The following DSCAM variants were observed in gnomAD, a reference collection of about 807,000 sequenced individuals.
DSCAM encodes the protein DS cell adhesion molecule, also known as cell adhesion molecule DSCAM.
A neutral mutation model predicts 217.7 loss-of-function variants in DSCAM; 47 were observed. The observed-to-expected ratio is 0.22, with a 90% confidence interval of 0.17 to 0.28. The LOEUF is 0.28. DSCAM is among the 10% of genes least tolerant of loss of function. DSCAM has a pLI of 1.00. For synonymous variants in DSCAM, 1,056 were observed against 1,015.3 expected (o/e 1.04, Z -0.76); for missense variants, 2,080 against 2,618.3 (o/e 0.79, Z 4.49).
chr21:40,407,658 C>T (rs183230737), intron 3 of DSCAM, among the ~76,000 whole-genome samples: 6 of 152,226 alleles, frequency 3.9e-5, no homozygotes, highest in Non-Finnish European at 8.8e-5. Flanking sequence ...GGAAGAGTAG[C>T]GAGGCTCCAG....
intron 1 of DSCAM, among the ~76,000 whole-genome samples, chr21:40,745,528 CT>C (rs2091165846): frequency 6.6e-6 from 1 of 152,114 alleles, no homozygotes; most frequent in African/African-American, 2.4e-5. Flanking sequence ...GGGAAAGAAC[CT>C]TGTAGCCAAG....
chr21:40,202,352 CAG>C (rs908554662), intron 11 of DSCAM, among the ~76,000 whole-genome samples: 5 of 152,210 alleles, frequency 3.3e-5, no homozygotes, highest in Non-Finnish European at 7.3e-5. Flanking sequence ...CATGGAGAAA[CAG>C]AGAAGATAAA....
intron 16 of DSCAM, among the ~76,000 whole-genome samples, chr21:40,156,377 C>T (rs141456142): frequency 8.4e-4 from 127 of 151,346 alleles, no homozygotes; most frequent in African/African-American, 2.6e-3. Flanking sequence ...ATCAGTCACA[C>T]GCCGGGTTGT....
rs561655404 is a variant in DSCAM, at chr21:40,488,441, C to T, written c.509-119196G>A. Among the ~76,000 whole-genome samples the T allele has an allele frequency of 4.1e-3, 619 of 152,300 alleles. 5 individuals are homozygous for T. Among genetic ancestry groups the T allele is most frequent in the Non-Finnish European group, 4.9e-3 (335 of 68,032 alleles). On this transcript the variant is annotated intron_variant, in intron 3 of 32. Transcript: ENST00000400454. ...AGGTTGTCTTTCTGCATCAGATTGC[C>T]TGATAGTTTCAATGAGAAACTGCTG...
chr21:40,069,220 G>T lies in DSCAM; in HGVS notation c.4888+5817C>A, dbSNP rs143633486. On this transcript the variant is annotated intron_variant, in intron 27 of 32. Transcript: ENST00000400454. ...ATAGTGAAGTACTATGGAGAAGAAAGAGGAGCGAAACAATGGGAAGCATTA... is the reference window on the plus strand; with the variant it reads ...ATAGTGAAGTACTATGGAGAAGAAATAGGAGCGAAACAATGGGAAGCATTA... 3.9e-3 allele frequency among the ~76,000 whole-genome samples: 592 copies of T among 152,290 alleles called. 3 individuals carry two copies. Among genetic ancestry groups the T allele is most frequent in the Non-Finnish European group, 6.5e-3 (441 of 68,024 alleles).
In DSCAM at chr21:40,188,988, A is replaced by G. The variant is rs1039165414; in HGVS notation, c.2553+54T>C. ...TGCACCCGCTTCTGTGAAAGGAAAG[A>G]CTTATTCTTCCAATAAAGTTCATTC... On this transcript the variant is annotated intron_variant, in intron 12 of 32. Coordinates refer to ENST00000400454, the MANE Select transcript of DSCAM (RefSeq NM_001389.5). 3 of 1,568,212 alleles carry G rather than the reference A, an allele frequency of 1.9e-6. No homozygotes were observed. In the Admixed American group the frequency reaches 5.1e-5, roughly 27 times the overall value.
intron 27 of DSCAM, among the ~76,000 whole-genome samples, chr21:40,064,168 TAC>T (rs1372166144): frequency 6.5e-5 from 9 of 137,756 alleles, no homozygotes; most frequent in East Asian, 2.6e-4. Flanking sequence ...TATATATATA[TAC>T]ATACACACAC....
intron 4 of DSCAM, among the ~76,000 whole-genome samples, chr21:40,358,044 A>C (rs993588490): frequency 1.5e-4 from 23 of 152,170 alleles, no homozygotes; most frequent in African/African-American, 5.5e-4. Context: ...AAGGTGGCAC[A>C]AAGATGTCAC....
chr21:40,107,964 A>G (rs2089843185), intron 20 of DSCAM, among the ~76,000 whole-genome samples: 1 of 152,156 alleles, frequency 6.6e-6, no homozygotes, highest in Non-Finnish European at 1.5e-5. Context: ...TCCAACATCC[A>G]TTCATGTTAA....
At chr21:40,734,991 G>T (rs889654049) in intron 1 of DSCAM, among the ~76,000 whole-genome samples, 2 of 152,190 alleles carry the variant, frequency 1.3e-5, no homozygotes, top group Non-Finnish European at 2.9e-5. Flanking sequence ...AGAAATGCTG[G>T]TTGGTTCAAT....
chr21:40,821,182 TTTTGAG>T lies in DSCAM; in HGVS notation c.43+25431_43+25436del, dbSNP rs1280575499. 2.5e-5 allele frequency among the ~76,000 whole-genome samples: 3 copies of T among 120,800 alleles called. No individual in the cohort carries two copies. In the East Asian group the frequency reaches 6.7e-4, roughly 27 times the overall value. 79.2% of individuals were successfully genotyped at this position (120,800 alleles called of 152,430 possible). Reference sequence around the variant, plus strand: ...CTAATTTCTTGAATCATCTTCACTGTTTTGAGTTTGTCAAATTGTCTTTTTTGACTT... The same window carrying T: ...CTAATTTCTTGAATCATCTTCACTGTTTTGTCAAATTGTCTTTTTTGACTT... On this transcript the variant is annotated intron_variant, in intron 1 of 32. Transcript: ENST00000400454.
chr21:40,146,686 G>A (rs2090361146), intron 16 of DSCAM, among the ~76,000 whole-genome samples: 1 of 152,200 alleles, frequency 6.6e-6, no homozygotes, highest in Admixed American at 6.5e-5. Flanking sequence ...AGGTGTCAGT[G>A]AAACAGTCGC....
intron 3 of DSCAM, among the ~76,000 whole-genome samples, chr21:40,643,574 G>C (rs1257994713): frequency 6.6e-6 from 1 of 152,186 alleles, no homozygotes; most frequent in South Asian, 2.1e-4. Context: ...TGCCGGCCAA[G>C]AGTGGACTCT....
chr21:40,424,425 C>G (rs561426306), intron 3 of DSCAM, among the ~76,000 whole-genome samples: 1 of 152,150 alleles, frequency 6.6e-6, no homozygotes, highest in East Asian at 1.9e-4. Flanking sequence ...AGAAGCCAGC[C>G]GTGTGACTGG....
chr21:40,724,225 G>A (rs181750321), intron 1 of DSCAM, among the ~76,000 whole-genome samples: 4 of 152,298 alleles, frequency 2.6e-5, no homozygotes, highest in East Asian at 1.9e-4. Context: ...AGTGGCTAGC[G>A]ATTTGGAAGG....
intron 19 of DSCAM, among the ~76,000 whole-genome samples, chr21:40,132,018 T>C (rs2090159319): frequency 6.6e-6 from 1 of 152,246 alleles, no homozygotes; most frequent in Non-Finnish European, 1.5e-5. Context: ...ATTGGATTTC[T>C]GTACATTCTT....
At chr21:40,080,591 C>T (rs1014653339) in intron 24 of DSCAM, among the ~76,000 whole-genome samples, 1 of 152,188 alleles carries the variant, frequency 6.6e-6, no homozygotes, top group Non-Finnish European at 1.5e-5. Context: ...GTTTTCTGCT[C>T]ATTCTCTTCT....
At chr21:40,759,005 T>A (rs1260843042) in intron 1 of DSCAM, among the ~76,000 whole-genome samples, 1 of 152,116 alleles carries the variant, frequency 6.6e-6, no homozygotes, top group Non-Finnish European at 1.5e-5. Flanking sequence ...CTTGTGACAA[T>A]CCTTAGAGTA....
intron 19 of DSCAM, among the ~76,000 whole-genome samples, chr21:40,130,349 G>C (rs929189252): frequency 2.0e-5 from 3 of 152,172 alleles, no homozygotes; most frequent in African/African-American, 7.2e-5. Flanking sequence ...CGTCCTTCGT[G>C]TTTCTGCAGC....
Sources: allele counts gnomAD v4.1 joint callset (sites outside exome capture counted in the v4.1 genomes callset), GRCh38; gene constraint gnomAD v4.1.1; transcripts MANE v1.5; gene names NCBI Gene and HGNC (gene_info 2026-07-23, HGNC 2026-07-21).